Variants in NRXN1 observed in about 807,000 individuals in gnomAD.
NRXN1 encodes neurexin-1.
Under a neutral mutation model 150.9 loss-of-function variants are expected in NRXN1, and 39 were observed. The observed-to-expected ratio is 0.26, with a 90% CI of 0.20 to 0.34. NRXN1 has a LOEUF of 0.34. Ranked by LOEUF, NRXN1 falls within the 10% of genes least tolerant of loss-of-function variation. The probability of loss-of-function intolerance (pLI) is 1.00; values close to 1 mark genes in which losing one functional copy is unlikely to be tolerated. For synonymous variants in NRXN1, 924 were observed against 757.0 expected (o/e 1.22, Z -3.62); for missense variants, 1,815 against 1,949.9 (o/e 0.93, Z 1.30).
chr2:50,493,764 T>G (rs911846693), intron 15 of NRXN1, among the ~76,000 whole-genome samples: 8 of 152,218 alleles, frequency 5.3e-5, no homozygotes, highest in African/African-American at 1.9e-4. Flanking sequence ...CTTACTTTTC[T>G]GCAATGCAGA....
chr2:50,585,480 A>G (rs1018387763), intron 8 of NRXN1, among the ~76,000 whole-genome samples: 5 of 152,164 alleles, frequency 3.3e-5, no homozygotes, highest in African/African-American at 1.2e-4. Context: ...ACGCTAATGA[A>G]TTATATACTA....
chr2:50,245,013 C>T (rs1013391594), intron 17 of NRXN1, among the ~76,000 whole-genome samples: 2 of 151,830 alleles, frequency 1.3e-5, no homozygotes, highest in Non-Finnish European at 2.9e-5. Flanking sequence ...AAATAATGTT[C>T]AACCCAATGA....
At chr2:50,700,857 G>A (rs112120999) in intron 5 of NRXN1, among the ~76,000 whole-genome samples, 4 of 150,956 alleles carry the variant, frequency 2.6e-5, no homozygotes, top group Admixed American at 6.6e-5. Flanking sequence ...TAGTAGAGAC[G>A]GGGTTTCACC....
intron 15 of NRXN1, among the ~76,000 whole-genome samples, chr2:50,485,948 G>A (rs1214945418): frequency 6.6e-6 from 1 of 152,152 alleles, no homozygotes; most frequent in Non-Finnish European, 1.5e-5. Context: ...CAAAGCAGAG[G>A]GCAGCCTCAA....
At chr2:50,292,984 G>C (rs2073117988) in intron 17 of NRXN1, among the ~76,000 whole-genome samples, 1 of 152,140 alleles carries the variant, frequency 6.6e-6, no homozygotes, top group Non-Finnish European at 1.5e-5. Flanking sequence ...TCGATATAAA[G>C]TGACACTAAT....
chr2:50,321,338 G>A (rs1259566888), intron 17 of NRXN1, among the ~76,000 whole-genome samples: 1 of 152,030 alleles, frequency 6.6e-6, no homozygotes, highest in Admixed American at 6.6e-5. Context: ...GAACTAACAG[G>A]GATTATGTTG....
At chr2:50,374,129 T>A (rs1422811057) in intron 17 of NRXN1, among the ~76,000 whole-genome samples, 1 of 151,248 alleles carries the variant, frequency 6.6e-6, no homozygotes, top group Admixed American at 6.6e-5. Context: ...CGTCTCTATT[T>A]CAAAAAGAAG....
chr2:50,358,039 C>G (rs569148320), intron 17 of NRXN1, among the ~76,000 whole-genome samples: 1 of 152,156 alleles, frequency 6.6e-6, no homozygotes, highest in Non-Finnish European at 1.5e-5. Flanking sequence ...AGGGATGGTG[C>G]TATCCAGCCC....
intron 21 of NRXN1, among the ~76,000 whole-genome samples, chr2:49,975,159 A>G (rs1039020857): frequency 5.9e-5 from 9 of 151,412 alleles, no homozygotes; most frequent in Non-Finnish European, 1.2e-4. Context: ...AGGGTAGGCT[A>G]TAAGTGATGA....
intron 17 of NRXN1, among the ~76,000 whole-genome samples, chr2:50,405,973 A>G (rs2082723661): frequency 6.6e-6 from 1 of 152,182 alleles, no homozygotes; most frequent in Admixed American, 6.5e-5. Context: ...AGATGAGGAA[A>G]TTCAGCCACA....
At chr2:50,165,456 C>A (rs531569125) in intron 18 of NRXN1, among the ~76,000 whole-genome samples, 1 of 152,312 alleles carries the variant, frequency 6.6e-6, no homozygotes, top group African/African-American at 2.4e-5. Flanking sequence ...TCAAGCGATT[C>A]TCTTGCCTCA....
At chr2:50,900,441 T>G (rs1682748293) in intron 5 of NRXN1, among the ~76,000 whole-genome samples, 1 of 152,144 alleles carries the variant, frequency 6.6e-6, no homozygotes, top group Admixed American at 6.5e-5. Context: ...CAGTTTTACT[T>G]TCTATTATAA....
chr2:50,471,030 G>T (rs571837214), intron 16 of NRXN1, among the ~76,000 whole-genome samples: 12 of 151,942 alleles, frequency 7.9e-5, no homozygotes, highest in African/African-American at 2.7e-4. Flanking sequence ...ATAGTGCTTT[G>T]AGAATGGGGT....
At chr2:50,202,520 A>C (rs1315925919) in intron 18 of NRXN1, among the ~76,000 whole-genome samples, 2 of 152,022 alleles carry the variant, frequency 1.3e-5, no homozygotes, top group Non-Finnish European at 2.9e-5. Context: ...AAACAAAACA[A>C]AACAAAAAAA....
intron 8 of NRXN1, among the ~76,000 whole-genome samples, chr2:50,618,480 G>C (rs1472429611): frequency 6.6e-6 from 1 of 151,950 alleles, no homozygotes; most frequent in African/African-American, 2.4e-5. Flanking sequence ...ACAAATTTGA[G>C]AGTTTGTACA....
intron 5 of NRXN1, among the ~76,000 whole-genome samples, chr2:50,712,165 T>C (rs1216316899): frequency 4.0e-5 from 6 of 150,696 alleles, no homozygotes; most frequent in African/African-American, 1.2e-4. Flanking sequence ...ATTTATGAAA[T>C]ATTATTGATT....
chr2:50,085,448 C>G (rs1698644115), intron 19 of NRXN1, among the ~76,000 whole-genome samples: 1 of 151,968 alleles, frequency 6.6e-6, no homozygotes, highest in African/African-American at 2.4e-5. Flanking sequence ...CAAACATTTC[C>G]CATATCTATA....
chr2:50,247,098 T>A (rs774952700), intron 17 of NRXN1, among the ~76,000 whole-genome samples: 1 of 152,084 alleles, frequency 6.6e-6, no homozygotes, highest in Non-Finnish European at 1.5e-5. Context: ...ATCAGCATGA[T>A]GGAGTATCTG....
At chr2:50,092,292 A>G (rs553343508) in intron 18 of NRXN1, among the ~76,000 whole-genome samples, 11 of 152,346 alleles carry the variant, frequency 7.2e-5, no homozygotes, top group East Asian at 3.9e-4. Context: ...ATTTCATAAT[A>G]TAAGGTGGCA....
Sources: gnomAD v4.1 joint callset for allele counts (sites outside exome capture counted in the v4.1 genomes callset) on GRCh38, gnomAD v4.1.1 for gene constraint, MANE v1.5 for transcripts, NCBI Gene and HGNC (gene_info 2026-07-23, HGNC 2026-07-21) for gene names.